Variants in BRIP1 observed in about 807,000 individuals in gnomAD.
BRIP1 encodes BRCA1 interacting DNA helicase 1, also known as Fanconi anemia group J protein.
A neutral mutation model predicts 119.7 loss-of-function variants in BRIP1; 88 were observed. That is an observed-to-expected ratio of 0.74 (90% confidence interval 0.62 to 0.88). BRIP1 has a LOEUF of 0.88. BRIP1 is among the 40% of genes least tolerant of loss of function. The probability of loss-of-function intolerance (pLI) is 0.00; values close to 1 mark genes in which losing one functional copy is unlikely to be tolerated. For synonymous variants in BRIP1, 443 were observed against 496.5 expected, an observed-to-expected ratio of 0.89 and a Z score of 1.43; for missense variants, 1,259 against 1,455.4, an observed-to-expected ratio of 0.87 and a Z score of 2.20.
Position 61,808,740 on chromosome 17 carries a change from A to C in BRIP1, c.645T>G (p.Ser215=). The stretch of plus-strand genomic sequence containing the variant: ...CTTGTTTAGTAGAACAACAGCACCT[A>C]GAACAGTGGCCAGGGGGCTGTAAGA... ...FSPQKPPGHC[S]RCCCSTKQGN... is the part of the protein sequence containing the mutation. The change falls in exon 7 of 20, where the codon TCT becomes TCG. Residue 215 remains serine, a synonymous_variant. Coordinates refer to ENST00000259008, the MANE Select transcript of BRIP1 (RefSeq NM_032043.3). This position sits in a 1 kb window ranked among gnomAD's most constrained non-coding sequence, Gnocchi z 4.1. The C allele has an allele frequency of 1.2e-6, 2 of 1,613,298 alleles. No homozygotes were observed. Among genetic ancestry groups the C allele is most frequent in the Non-Finnish European group, 1.7e-6 (2 of 1,179,926 alleles).
rs2144204317 is a variant in BRIP1 at position 61,695,336 on chromosome 17, A to C, written c.2493-1824T>G. 6.6e-6 allele frequency among the ~76,000 whole-genome samples: 1 copy of C among 152,240 alleles called. No homozygotes were observed. Among genetic ancestry groups the C allele is most frequent in the South Asian group, 2.1e-4 (1 of 4,816 alleles). On this transcript the variant is annotated intron_variant, in intron 17 of 19. Transcript: ENST00000259008. This position sits in a 1 kb window ranked among gnomAD's most constrained non-coding sequence, Gnocchi z 4.3. ...TGTTTATGGACCCTCAATTCTACCCATTGATCTATACATCTGTCTTTATGC... is the reference window on the plus strand; with the variant it reads ...TGTTTATGGACCCTCAATTCTACCCCTTGATCTATACATCTGTCTTTATGC...
rs1197523686 is a variant in BRIP1 at position 61,762,490 on chromosome 17, T to A, written c.2097+13911A>T. ...AGCTATATATCCAATAAGGAGTTAA[T>A]GTCCAAAATATATAAGAAACTCAAA... On this transcript the variant is annotated intron_variant, in intron 14 of 19. Coordinates refer to ENST00000259008, the MANE Select transcript of BRIP1 (RefSeq NM_032043.3). This position sits in a 1 kb window ranked among gnomAD's most constrained non-coding sequence, Gnocchi z 4.3. Among the ~76,000 whole-genome samples the A allele has an allele frequency of 4.6e-5, 7 of 152,206 alleles. No individual in the cohort carries two copies. The East Asian group carries it at 1.4e-3, about 29-fold the overall frequency.
chr17:61,731,737 G>A (rs993088511), intron 16 of BRIP1, among the ~76,000 whole-genome samples: 2 of 151,884 alleles, frequency 1.3e-5, no homozygotes, highest in Non-Finnish European at 1.5e-5. Context: ...AACATTCCCA[G>A]GGTTCCTGTG....
intron 7 of BRIP1, among the ~76,000 whole-genome samples, chr17:61,801,916 T>C (rs1189749148): frequency 1.3e-5 from 2 of 152,110 alleles, no homozygotes; most frequent in East Asian, 3.9e-4. Context: ...CTTTTCAACT[T>C]TGAGCCATGT....
At chr17:61,714,451 A>G (rs566772343) in intron 17 of BRIP1, among the ~76,000 whole-genome samples, 1 of 152,138 alleles carries the variant, frequency 6.6e-6, no homozygotes, top group Non-Finnish European at 1.5e-5. Context: ...TTGTGTTACA[A>G]TTGTCTATAG....
Position 61,760,912 on chromosome 17 carries a change from A to C in BRIP1, c.2097+15489T>G, listed in dbSNP as rs531693148. The stretch of plus-strand genomic sequence containing the variant: ...TCTAAATTCTTTTTACATGACCAGC[A>C]TTATCACCCTGATACCAAGGCCAGA... On this transcript the variant is annotated intron_variant, in intron 14 of 19. Transcript: ENST00000259008. This position sits in a 1 kb window ranked among gnomAD's most constrained non-coding sequence, Gnocchi z 4.6. Among the ~76,000 whole-genome samples, 1 of 152,162 alleles carries C rather than the reference A, an allele frequency of 6.6e-6. No individual in the cohort carries two copies. The highest frequency in any genetic ancestry group is 2.1e-4 in the South Asian group (1 of 4,830).
At position 61,857,763 on chromosome 17, in the gene BRIP1, C is replaced by T. The variant is rs1404042711; in HGVS notation, c.206-532G>A. On this transcript the variant is annotated intron_variant, in intron 3 of 19. Coordinates refer to ENST00000259008, the MANE Select transcript of BRIP1 (RefSeq NM_032043.3). This position sits in a 1 kb window ranked among gnomAD's most constrained non-coding sequence, Gnocchi z 5.1. ...AAACATTTATAGGGAAATTATCACC[C>T]ATTTATGTAATCTGTAAAAATCTAA... is the stretch of plus-strand genomic sequence containing the variant. Among the ~76,000 whole-genome samples the T allele has an allele frequency of 6.6e-6, 1 of 151,932 alleles. No individual in the cohort carries two copies. The highest frequency in any genetic ancestry group is 1.5e-5 in the Non-Finnish European group (1 of 67,946).
Position 61,681,676 on chromosome 17 carries a change from T to C in BRIP1, c.*1620A>G, listed in dbSNP as rs2061272587. ...TCAATGATCAACTAGAAAAAATATATAATACTAGATGGGATCTAATATATT... is the reference window on the plus strand; with the variant it reads ...TCAATGATCAACTAGAAAAAATATACAATACTAGATGGGATCTAATATATT... On this transcript the variant is annotated 3_prime_UTR_variant, in exon 20 of 20. Coordinates refer to ENST00000259008, the MANE Select transcript of BRIP1 (RefSeq NM_032043.3). This position sits in a 1 kb window ranked among gnomAD's most constrained non-coding sequence, Gnocchi z 5.1. The C allele has an allele frequency of 5.0e-6, 1 of 198,142 alleles. No individual in the cohort carries two copies. The highest frequency in any genetic ancestry group is 2.3e-5 in the African/African-American group (1 of 43,370). 12.3% of individuals were successfully genotyped at this position (198,142 alleles called of 1,614,324 possible). A position where few individuals can be genotyped will look rare whatever the true frequency, so the allele number is the denominator to read the frequency against.
Position 61,683,780 on chromosome 17 carries a change from G to A in BRIP1, c.3266C>T (p.Ser1089Phe), listed in dbSNP as rs761278503. 1.2e-6 allele frequency: 2 copies of A among 1,614,184 alleles called. No homozygotes were observed. Among genetic ancestry groups the A allele is most frequent in the Admixed American group, 3.3e-5 (2 of 60,024 alleles). Reference sequence around the variant, plus strand: ...TTCTTCAGAACAGAGCGGATGTTCAGAATGATTTTTTCTAGTAAGGGTGGC... The same window carrying A: ...TTCTTCAGAACAGAGCGGATGTTCAAAATGATTTTTTCTAGTAAGGGTGGC... ...IDATLTRKNH[S>F]EHPLCSEEAL... Residue 1089 changes from serine (S) to phenylalanine (F), a missense_variant, in exon 20 of 20, where the codon TCT becomes TTT. Ser to Phe is a radical substitution (Grantham distance 155). This residue lies in a region of BRIP1 where 753 missense variants were observed against 891.8 expected (regional missense o/e 0.84). Coordinates refer to ENST00000259008, the MANE Select transcript of BRIP1 (RefSeq NM_032043.3). This position sits in a 1 kb window ranked among gnomAD's most constrained non-coding sequence, Gnocchi z 4.7.
intron 14 of BRIP1, among the ~76,000 whole-genome samples, chr17:61,747,689 TTTTA>T (rs929020858): frequency 2.7e-4 from 41 of 152,084 alleles, no homozygotes; most frequent in Admixed American, 7.9e-4. Context: ...TACAAAACAT[TTTTA>T]TTTATTTAAT....
rs1271650440 is a variant in BRIP1, at chr17:61,720,281, AATGATAAATG to A, written c.2380-4228_2380-4219del. 1.3e-5 allele frequency among the ~76,000 whole-genome samples: 2 copies of A among 152,220 alleles called. No individual in the cohort carries two copies. The highest frequency in any genetic ancestry group is 2.9e-5 in the Non-Finnish European group (2 of 68,032). ...AGATTACATGTTCCATACACAAAGA[AATGATAAATG>A]TTTGAGATGACAGATACGCTAATTA... On this transcript the variant is annotated intron_variant, in intron 16 of 19. Transcript: ENST00000259008. The surrounding 1 kb of genome is among the most constrained non-coding windows in gnomAD (Gnocchi z 4.3).
In BRIP1 at chr17:61,806,623, A is replaced by G. The variant is rs2078077051; in HGVS notation, c.918+1844T>C. 6.6e-6 allele frequency among the ~76,000 whole-genome samples: 1 copy of G among 152,140 alleles called. No individual in the cohort carries two copies. Among genetic ancestry groups the G allele is most frequent in the South Asian group, 2.1e-4 (1 of 4,826 alleles). On this transcript the variant is annotated intron_variant, in intron 7 of 19. Transcript: ENST00000259008. This position sits in a 1 kb window ranked among gnomAD's most constrained non-coding sequence, Gnocchi z 4.9. ...AGGATTCTAGGTTACACAAAATGAA[A>G]CTGTCTGCCTTCAATACACAATCTT...
In BRIP1 at chr17:61,744,261, G is replaced by T. The variant is rs1268993112; in HGVS notation, c.2257+171C>A. ...CATACTCAAGTGAAAATATTCATAG[G>T]AGAACAAGTACAATTAAAAGAATTT... is the stretch of plus-strand genomic sequence containing the variant. On this transcript the variant is annotated intron_variant, in intron 15 of 19. Transcript: ENST00000259008. This position sits in a 1 kb window ranked among gnomAD's most constrained non-coding sequence, Gnocchi z 5.0. Among the ~76,000 whole-genome samples, 1 of 152,002 alleles carries T rather than the reference G, an allele frequency of 6.6e-6. No homozygotes were observed. The highest frequency in any genetic ancestry group is 1.5e-5 in the Non-Finnish European group (1 of 68,004).
intron 13 of BRIP1, among the ~76,000 whole-genome samples, chr17:61,779,995 T>C (rs1032085759): frequency 2.5e-4 from 38 of 152,096 alleles, no homozygotes; most frequent in African/African-American, 8.7e-4. Context: ...ATTAAAGAAA[T>C]CAAAATTTTG....
chr17:61,831,636 ATC>A lies in BRIP1; in HGVS notation c.627+15463_627+15464del, dbSNP rs2078494313. On this transcript the variant is annotated intron_variant, in intron 6 of 19. Coordinates refer to ENST00000259008, the MANE Select transcript of BRIP1 (RefSeq NM_032043.3). This position sits in a 1 kb window ranked among gnomAD's most constrained non-coding sequence, Gnocchi z 4.1. Reference sequence around the variant, plus strand: ...CCACATTTTGTTTATTCGTTTATTTATCAATGGACATTTTGGTTGTTTCCACC... The same window carrying A: ...CCACATTTTGTTTATTCGTTTATTTAAATGGACATTTTGGTTGTTTCCACC... Among the ~76,000 whole-genome samples, 1 of 152,178 alleles carries A rather than the reference ATC, an allele frequency of 6.6e-6. No individual in the cohort carries two copies. The highest frequency in any genetic ancestry group is 2.4e-5 in the African/African-American group (1 of 41,460).
intron 6 of BRIP1, among the ~76,000 whole-genome samples, chr17:61,812,315 ATT>A (rs1449323522): frequency 2.0e-5 from 3 of 152,226 alleles, no homozygotes; most frequent in South Asian, 4.2e-4. Context: ...AGACTTTTTT[ATT>A]TTCCCTTTGC....
At position 61,691,265 on chromosome 17, in the gene BRIP1, T is replaced by G. The variant is rs1051895259; in HGVS notation, c.2575+2165A>C. On this transcript the variant is annotated intron_variant, in intron 18 of 19. Transcript: ENST00000259008. The surrounding 1 kb of genome is among the most constrained non-coding windows in gnomAD (Gnocchi z 5.0). ...AAAATAAAAATTAAAATAAAAAAACTCAAACCAGGGAAAAAAAATAGCATC... is the reference window on the plus strand; with the variant it reads ...AAAATAAAAATTAAAATAAAAAAACGCAAACCAGGGAAAAAAAATAGCATC... Among the ~76,000 whole-genome samples the G allele has an allele frequency of 1.3e-5, 2 of 149,504 alleles. No homozygotes were observed. Among genetic ancestry groups the G allele is most frequent in the Non-Finnish European group, 3.0e-5 (2 of 67,144 alleles).
At chr17:61,764,370 T>G (rs977979480) in intron 14 of BRIP1, among the ~76,000 whole-genome samples, 1 of 152,184 alleles carries the variant, frequency 6.6e-6, no homozygotes, top group Non-Finnish European at 1.5e-5. Context: ...CTCTCTCCCC[T>G]TGCCTCCCAC....
In BRIP1 at chr17:61,704,232, T is replaced by A. The variant is rs951192758; in HGVS notation, c.2493-10720A>T. Among the ~76,000 whole-genome samples the A allele has an allele frequency of 2.6e-5, 4 of 152,136 alleles. No homozygotes were observed. The highest frequency in any genetic ancestry group is 9.7e-5 in the African/African-American group (4 of 41,444). On this transcript the variant is annotated intron_variant, in intron 17 of 19. Coordinates refer to ENST00000259008, the MANE Select transcript of BRIP1 (RefSeq NM_032043.3). This position sits in a 1 kb window ranked among gnomAD's most constrained non-coding sequence, Gnocchi z 5.7. ...TTTAGGCTCTTATAGTTTTCTTTTT[T>A]CCCCCTTTTCCTTTTGTTTTTGTAG... is the stretch of plus-strand genomic sequence containing the variant.
Sources: gnomAD v4.1 joint callset for allele counts (sites outside exome capture counted in the v4.1 genomes callset) on GRCh38, gnomAD v4.1.1 for gene constraint, gnomAD v4.1.1 regional missense constraint, Gnocchi (gnomAD v3.1) non-coding constraint, MANE v1.5 for transcripts, NCBI Gene and HGNC (gene_info 2026-07-23, HGNC 2026-07-21) for gene names.